Variants in GPR155 observed in about 807,000 individuals in gnomAD.
GPR155 encodes G protein-coupled receptor 155.
In GPR155, 65 loss-of-function variants were observed where a neutral mutation model predicts 93.1. The ratio of observed to expected loss-of-function variants is 0.70; its 90% CI spans 0.57 to 0.86. The LOEUF (loss-of-function observed/expected upper bound fraction) is 0.86, where lower values mean the gene tolerates loss of function less well. Ranked by LOEUF, GPR155 falls within the 40% of genes least tolerant of loss-of-function variation. The pLI is 0.00. For synonymous variants in GPR155, 319 were observed against 360.1 expected (o/e 0.89, Z 1.29); for missense variants, 838 against 1,034.8 (o/e 0.81, Z 2.61).
intron 2 of GPR155, among the ~76,000 whole-genome samples, chr2:174,478,367 G>T (rs1688225735): frequency 6.6e-6 from 1 of 152,150 alleles, no homozygotes; most frequent in Admixed American, 6.5e-5. Context: ...CTACAGGCTT[G>T]TACCACACCT....
intron 11 of GPR155, among the ~76,000 whole-genome samples, chr2:174,452,336 A>G (rs897367009): frequency 2.0e-5 from 3 of 152,230 alleles, no homozygotes; most frequent in African/African-American, 7.2e-5. Flanking sequence ...AATAACAATA[A>G]TTACTACTGC....
chr2:174,459,653 T>C (rs1369363921), intron 10 of GPR155, among the ~76,000 whole-genome samples: 1 of 152,306 alleles, frequency 6.6e-6, no homozygotes, highest in East Asian at 1.9e-4. Flanking sequence ...GAGACCAGCC[T>C]GGGCAACATG....
rs373785524 is a variant in GPR155 at position 174,481,848 on chromosome 2, T to C, written c.109A>G (p.Met37Val). The C allele has an allele frequency of 1.7e-5, 28 of 1,614,180 alleles. No homozygotes were observed. In the African/African-American group the frequency reaches 3.3e-4, roughly 19 times the overall value. Residue 37 changes from methionine (M) to valine (V), a missense_variant, in exon 2 of 16, where the codon ATG becomes GTG. This residue lies in a region of GPR155 where 663 missense variants were observed against 790.1 expected (regional missense o/e 0.84). Coordinates refer to ENST00000392552, the MANE Select transcript of GPR155 (RefSeq NM_152529.7). ...GCTGGAAAAAGCCTTGTAATTGACA[T>C]TGAAGGTGGGTCATTAGTGGAATTA... is the stretch of plus-strand genomic sequence containing the variant. ...GFNSTNDPPS[M>V]SITRLFPALL...
intron 3 of GPR155, among the ~76,000 whole-genome samples, chr2:174,471,394 CAA>C (rs1156941389): frequency 3.2e-4 from 14 of 43,472 alleles, no homozygotes; most frequent in East Asian, 6.7e-4. Context: ...GACTCTGTCT[CAA>C]AAAAAAAAAA....
chr2:174,465,652 T>G (rs537173483), intron 7 of GPR155, 133 bp downstream of exon 7: 54 of 530,480 alleles, frequency 1.0e-4, no homozygotes, highest in African/African-American at 8.9e-4. Context: ...CCTCTGTGGG[T>G]GGGCTGATCT....
chr2:174,461,289 G>T (rs1282732744), intron 9 of GPR155, 113 bp downstream of exon 9: 2 of 683,640 alleles, frequency 2.9e-6, no homozygotes, highest in African/African-American at 1.8e-5. Flanking sequence ...AATCTGATAT[G>T]CAATAAATTG....
rs1057254746 is a variant in GPR155, at chr2:174,435,324, T to G, written c.*792A>C. The G allele has an allele frequency of 6.6e-6, 1 of 152,196 alleles. No individual in the cohort carries two copies. The highest frequency in any genetic ancestry group is 1.5e-5 in the Non-Finnish European group (1 of 68,032). 9.4% of individuals were successfully genotyped at this position (152,196 alleles called of 1,614,324 possible). A position where few individuals can be genotyped will look rare whatever the true frequency, so the allele number is the denominator to read the frequency against. On this transcript the variant is annotated 3_prime_UTR_variant, in exon 16 of 16. Transcript: ENST00000392552. ...GTACAGACTGTTTTTCTTATTGTTA[T>G]TCCCTAAACAATACAGTATAACAAC...
intron 3 of GPR155, 80 bp downstream of exon 3, chr2:174,472,885 G>A: frequency 9.2e-7 from 1 of 1,081,948 alleles, no homozygotes; most frequent in Non-Finnish European, 1.4e-6. Context: ...GGGGAAAATG[G>A]TTGCAGACAT....
In GPR155 at chr2:174,434,793, CTT is replaced by C. The variant is rs35253539; in HGVS notation, c.*1321_*1322del. 0.27 allele frequency: 38,095 copies of C among 141,126 alleles called. 5,728 individuals carry two copies. Among genetic ancestry groups the C allele is most frequent in the Middle Eastern group, 0.53 (145 of 276 alleles). The allele number at this position is 141,126 out of a possible 1,614,324, so 8.7% of individuals were successfully genotyped here. A position where few individuals can be genotyped will look rare whatever the true frequency, so the allele number is the denominator to read the frequency against. Reference sequence around the variant, plus strand: ...GGTATTCTTTTTTCTTTTTCTTTTTCTTTTTTTTTTTTTTTAGTACAGACCGG... The same window carrying C: ...GGTATTCTTTTTTCTTTTTCTTTTTCTTTTTTTTTTTTTAGTACAGACCGG... On this transcript the variant is annotated 3_prime_UTR_variant, in exon 16 of 16. Coordinates refer to ENST00000392552, the MANE Select transcript of GPR155 (RefSeq NM_152529.7).
intron 13 of GPR155, 81 bp downstream of exon 13, chr2:174,445,000 A>G (rs1687076223): frequency 1.4e-6 from 1 of 719,720 alleles, no homozygotes; most frequent in Non-Finnish European, 2.5e-6. Context: ...ATCCTAATCC[A>G]CTCCCCGCTT....
chr2:174,455,041 C>T (rs1339763823), intron 10 of GPR155, among the ~76,000 whole-genome samples: 1 of 151,946 alleles, frequency 6.6e-6, no homozygotes, highest in Non-Finnish European at 1.5e-5. Flanking sequence ...CTGTACATCT[C>T]AAAATAGAAG....
At chr2:174,462,136 C>G (rs1687714929) in intron 7 of GPR155, among the ~76,000 whole-genome samples, 1 of 152,028 alleles carries the variant, frequency 6.6e-6, no homozygotes, top group Non-Finnish European at 1.5e-5. Flanking sequence ...CAGAGTCATA[C>G]TATGTTGCCC....
At chr2:174,479,183 A>G (rs1020040735) in intron 2 of GPR155, among the ~76,000 whole-genome samples, 1 of 152,240 alleles carries the variant, frequency 6.6e-6, no homozygotes, top group African/African-American at 2.4e-5. Flanking sequence ...TTAATGTGGG[A>G]CATAAGAAAA....
intron 13 of GPR155, among the ~76,000 whole-genome samples, chr2:174,443,034 A>T (rs540708195): frequency 1.3e-5 from 2 of 152,338 alleles, no homozygotes; most frequent in Non-Finnish European, 2.9e-5. Context: ...TCCCAGTCCC[A>T]GTTCTGGATA....
intron 15 of GPR155, among the ~76,000 whole-genome samples, chr2:174,436,650 TAAAC>T (rs1162351899): frequency 6.6e-6 from 1 of 152,126 alleles, no homozygotes; most frequent in Non-Finnish European, 1.5e-5. Flanking sequence ...CAGAAATGCT[TAAAC>T]AATACCAAAA....
At chr2:174,469,620 G>T (rs144729841) in intron 4 of GPR155, among the ~76,000 whole-genome samples, 1 of 152,070 alleles carries the variant, frequency 6.6e-6, no homozygotes, top group Non-Finnish European at 1.5e-5. Context: ...CAGTTATTAT[G>T]CAGTATTTTG....
chr2:174,481,458 T>C lies in GPR155; in HGVS notation c.460+39A>G, dbSNP rs1390801639. On this transcript the variant is annotated intron_variant, in intron 2 of 15. Coordinates refer to ENST00000392552, the MANE Select transcript of GPR155 (RefSeq NM_152529.7). ...AACAAATGCCTAAATAAATTAAAAT[T>C]GAATTTTTTAAACACTTGAAAAATA... The C allele has an allele frequency of 6.3e-6, 8 of 1,268,106 alleles. 1 individual carries two copies. In the African/African-American group the frequency reaches 7.5e-5, roughly 12 times the overall value. The allele number at this position is 1,268,106 out of a possible 1,614,324, so 78.6% of individuals were successfully genotyped here.
In GPR155 at chr2:174,436,362, C is replaced by A. The variant is rs376052691; in HGVS notation, c.2367G>T (p.Trp789Cys). Residue 789 changes from tryptophan (W) to cysteine (C), a missense_variant, in exon 16 of 16, where the codon TGG becomes TGT. By Grantham distance (215) the Trp-to-Cys change is radical. Around this residue, in one of 3 missense-constraint regions of GPR155, gnomAD observed 146 missense variants for 177.5 expected, o/e 0.82. Transcript: ENST00000392552. ...CGGAGGCAAGGCCGACTTCAATTAGCCAGCTCACCAGGTCACAGCCACAGA... is the reference window on the plus strand; with the variant it reads ...CGGAGGCAAGGCCGACTTCAATTAGACAGCTCACCAGGTCACAGCCACAGA... The part of the protein sequence containing the change: ...GTFCGCDLVS[W>C]LIEVGLASDR... The A allele has an allele frequency of 1.1e-5, 18 of 1,614,228 alleles. No individual in the cohort carries two copies. The highest frequency in any genetic ancestry group is 1.7e-5 in the Admixed American group (1 of 60,026).
chr2:174,465,754 G>T, intron 7 of GPR155, 31 bp downstream of exon 7: 1 of 1,052,952 alleles, frequency 9.5e-7, no homozygotes, highest in Non-Finnish European at 1.5e-6. Context: ...GTGGGGAACA[G>T]ATCTCAATTT....
Sources: gnomAD v4.1 joint callset for allele counts (sites outside exome capture counted in the v4.1 genomes callset) on GRCh38, gnomAD v4.1.1 for gene constraint, gnomAD v4.1.1 regional missense constraint, MANE v1.5 for transcripts, NCBI Gene and HGNC (gene_info 2026-07-23, HGNC 2026-07-21) for gene names.